CAP2: variants seen among roughly 807,000 people sequenced by gnomAD.
CAP2 encodes adenylyl cyclase-associated protein 2.
CAP2 carries 24 observed loss-of-function variants against 57.7 expected under a neutral mutation model. That is an observed-to-expected ratio of 0.42 (90% CI 0.30 to 0.58). The LOEUF (loss-of-function observed/expected upper bound fraction) is 0.58. Ranked by LOEUF, CAP2 falls within the 20% of genes least tolerant of loss-of-function variation. The pLI, the probability that CAP2 is intolerant of heterozygous loss-of-function variation, is 0.22. For synonymous variants in CAP2, 194 were observed against 207.2 expected (o/e 0.94, Z 0.55); for missense variants, 501 against 590.3 (o/e 0.85, Z 1.57).
rs1233258079 is a variant in CAP2, at chr6:17,513,746, T to A, written c.531-103T>A. 2.7e-6 allele frequency: 2 copies of A among 746,962 alleles called. No homozygotes were observed. The highest frequency in any genetic ancestry group is 3.5e-5 in the African/African-American group (2 of 57,310). 46.3% of individuals were successfully genotyped at this position (746,962 alleles called of 1,614,324 possible). A position where few individuals can be genotyped will look rare whatever the true frequency, so the allele number is the denominator to read the frequency against. On this transcript the variant is annotated intron_variant, in intron 6 of 12. Coordinates refer to ENST00000229922, the MANE Select transcript of CAP2 (RefSeq NM_006366.3). The surrounding 1 kb of genome is among the most constrained non-coding windows in gnomAD (Gnocchi z 4.3). ...GGTTGCAAGGACGATTGCTCCGGGCTCCAGGGCCCCTAGTCACTAGATAAC... is the reference window on the plus strand; with the variant it reads ...GGTTGCAAGGACGATTGCTCCGGGCACCAGGGCCCCTAGTCACTAGATAAC...
At chr6:17,534,556 T>G (rs1186386241) in intron 7 of CAP2, among the ~76,000 whole-genome samples, 1 of 152,186 alleles carries the variant, frequency 6.6e-6, no homozygotes, top group Admixed American at 6.5e-5. Flanking sequence ...CTGGGAGCGA[T>G]CCTTTTGTAT....
At chr6:17,531,064 C>A in intron 7 of CAP2, 1 of 782,774 alleles carries the variant, frequency 1.3e-6, no homozygotes, top group Admixed American at 1.7e-5. Context: ...GTATAGATCT[C>A]ATGAATCAGA....
rs10668941 is a variant in CAP2 at position 17,527,597 on chromosome 6, C to CTTTTTTTTT, written c.637-11663_637-11655dup. 4.1e-4 allele frequency among the ~76,000 whole-genome samples: 54 copies of CTTTTTTTTT among 131,212 alleles called. 1 individual carries two copies. The highest frequency in any genetic ancestry group is 1.2e-3 in the African/African-American group (42 of 34,414). The allele number at this position is 131,212 out of a possible 152,430, so 86.1% of individuals were successfully genotyped here. ...ATTCTTTTTCATTTTTGTTCTCTTT[C>CTTTTTTTTT]TTTTTTTTTTTTTTTTTGAGACAAA... On this transcript the variant is annotated intron_variant, in intron 7 of 12. Coordinates refer to ENST00000229922, the MANE Select transcript of CAP2 (RefSeq NM_006366.3).
chr6:17,438,720 T>G (rs1359460441), intron 3 of CAP2, among the ~76,000 whole-genome samples: 1 of 146,896 alleles, frequency 6.8e-6, no homozygotes, highest in Non-Finnish European at 1.5e-5. Flanking sequence ...ATTATAGGTG[T>G]GAGCCACCGC....
At chr6:17,476,646 T>C (rs1040901986) in intron 4 of CAP2, among the ~76,000 whole-genome samples, 67 of 152,154 alleles carry the variant, frequency 4.4e-4, no homozygotes, top group Non-Finnish European at 7.8e-4. Context: ...CATTCAACTT[T>C]TCTTTGTTCT....
chr6:17,420,271 C>T (rs1759404070), intron 1 of CAP2, among the ~76,000 whole-genome samples: 1 of 152,222 alleles, frequency 6.6e-6, no homozygotes, highest in South Asian at 2.1e-4. Flanking sequence ...CTACAAACCA[C>T]CCCACCTAAG....
At chr6:17,534,620 G>A (rs751878101) in intron 7 of CAP2, among the ~76,000 whole-genome samples, 2 of 152,068 alleles carry the variant, frequency 1.3e-5, no homozygotes, top group African/African-American at 2.4e-5. Flanking sequence ...CCCTCCGCCC[G>A]TGCCCCCTCT....
At chr6:17,489,157 C>T (rs1029847944) in intron 4 of CAP2, among the ~76,000 whole-genome samples, 2 of 152,040 alleles carry the variant, frequency 1.3e-5, no homozygotes, top group African/African-American at 2.4e-5. Context: ...AATCAGGCTG[C>T]GTGCAGTGGC....
intron 4 of CAP2, among the ~76,000 whole-genome samples, chr6:17,498,199 C>T (rs1453672329): frequency 1.3e-5 from 2 of 152,172 alleles, no homozygotes; most frequent in Non-Finnish European, 2.9e-5. Context: ...AGATGGGAAT[C>T]ACATCTGTGA....
chr6:17,408,160 G>A (rs2328100), intron 1 of CAP2, among the ~76,000 whole-genome samples: 56,118 of 151,992 alleles, frequency 0.37, 11,885 homozygotes, highest in African/African-American at 0.59. Context: ...TTAGAGGTTT[G>A]TTTGGCTGAC....
At chr6:17,514,816 C>T (rs2113668520) in intron 7 of CAP2, among the ~76,000 whole-genome samples, 2 of 152,292 alleles carry the variant, frequency 1.3e-5, no homozygotes, top group Middle Eastern at 6.8e-3. Flanking sequence ...CAATGAAACA[C>T]TCTACAGCCA....
In CAP2 at chr6:17,438,433, G is replaced by T. The variant is rs868359307; in HGVS notation, c.222+11743G>T. ...TTTGCTTGTTTGACCATCCAGAAGT[G>T]TTTTTTTTTTTTTTTTTTTTTTTGA... is the stretch of plus-strand genomic sequence containing the variant. On this transcript the variant is annotated intron_variant, in intron 3 of 12. Coordinates refer to ENST00000229922, the MANE Select transcript of CAP2 (RefSeq NM_006366.3). Among the ~76,000 whole-genome samples, 359 of 58,392 alleles carry T rather than the reference G, an allele frequency of 6.1e-3. 17 individuals are homozygous for T. Among genetic ancestry groups the T allele is most frequent in the African/African-American group, 0.035 (347 of 9,998 alleles). The allele number at this position is 58,392 out of a possible 152,430, so 38.3% of individuals were successfully genotyped here.
intron 4 of CAP2, among the ~76,000 whole-genome samples, chr6:17,480,110 C>A (rs749565673): frequency 1.6e-4 from 24 of 152,034 alleles, no homozygotes; most frequent in Non-Finnish European, 3.2e-4. Context: ...ACAAAACAAA[C>A]CAAACAAGCA....
intron 4 of CAP2, among the ~76,000 whole-genome samples, chr6:17,486,630 A>G (rs1761426198): frequency 6.6e-6 from 1 of 152,104 alleles, no homozygotes; most frequent in Admixed American, 6.5e-5. Flanking sequence ...TAAGTAAATA[A>G]CTGACAGTGT....
intron 3 of CAP2, among the ~76,000 whole-genome samples, chr6:17,452,473 T>C (rs1279774441): frequency 6.6e-6 from 1 of 152,164 alleles, no homozygotes; most frequent in Non-Finnish European, 1.5e-5. Context: ...AAAAAGGCCA[T>C]GGGAACCCAA....
intron 11 of CAP2, among the ~76,000 whole-genome samples, chr6:17,543,576 GATCGCGCC>G (rs1435055744): frequency 7.3e-6 from 1 of 136,228 alleles, no homozygotes; most frequent in African/African-American, 2.8e-5. Context: ...AGCGAGCCAA[GATCGCGCC>G]ACTGCACTCC....
intron 9 of CAP2, among the ~76,000 whole-genome samples, chr6:17,541,757 C>T (rs1406916384): frequency 6.6e-6 from 1 of 152,102 alleles, no homozygotes; most frequent in Non-Finnish European, 1.5e-5. Context: ...AGAATTTATT[C>T]CTTCTGACTA....
At chr6:17,470,916 T>G (rs766641535) in intron 4 of CAP2, among the ~76,000 whole-genome samples, 2 of 152,234 alleles carry the variant, frequency 1.3e-5, no homozygotes, top group Non-Finnish European at 2.9e-5. Flanking sequence ...ATCTAACAGC[T>G]GAATTTTTAT....
chr6:17,415,271 C>T (rs1759245589), intron 1 of CAP2, among the ~76,000 whole-genome samples: 1 of 152,210 alleles, frequency 6.6e-6, no homozygotes, highest in South Asian at 2.1e-4. Flanking sequence ...TTATCTCTTA[C>T]TTGTTTTGTG....
Sources: allele counts gnomAD v4.1 joint callset (sites outside exome capture counted in the v4.1 genomes callset), GRCh38; gene constraint gnomAD v4.1.1; non-coding constraint Gnocchi (gnomAD v3.1); transcripts MANE v1.5; gene names NCBI Gene and HGNC (gene_info 2026-07-23, HGNC 2026-07-21).